CDH23: variants seen among roughly 807,000 people sequenced by gnomAD.
CDH23 encodes cadherin-23.
A neutral mutation model predicts 317.1 loss-of-function variants in CDH23; 189 were observed. The ratio of observed to expected loss-of-function variants is 0.60; its 90% CI spans 0.53 to 0.67. The LOEUF (loss-of-function observed/expected upper bound fraction) is 0.67, where lower values mean the gene tolerates loss of function less well. CDH23 is among the 30% of genes least tolerant of loss of function. The pLI, the probability that CDH23 is intolerant of heterozygous loss-of-function variation, is 0.00. For missense variants in CDH23, 4,401 were observed against 4,592.4 expected (o/e 0.96, Z 1.20); for synonymous variants, 1,839 against 1,876.8 (o/e 0.98, Z 0.52).
chr10:71,784,328 C>T lies in CDH23; in HGVS notation c.5410C>T (p.Arg1804Trp), dbSNP rs376271562. The T allele has an allele frequency of 1.4e-4, 232 of 1,613,898 alleles. 1 individual carries two copies. In the African/African-American group the frequency reaches 2.5e-3, roughly 18 times the overall value. The change falls in exon 42 of 70, where the codon CGG becomes TGG. Residue 1804 changes from arginine to tryptophan, a missense_variant. This residue lies in a region of CDH23 where 3,068 missense variants were observed against 3,203.3 expected (regional missense o/e 0.96). Transcript: ENST00000224721. Reference sequence around the variant, plus strand: ...TCCTGTGGAGGGGGTGCTAAGGGTCCGGAAGGACGTGGAGCTGGACCGGGA... The same window carrying T: ...TCCTGTGGAGGGGGTGCTAAGGGTCTGGAAGGACGTGGAGCTGGACCGGGA... Reference protein sequence around the residue: ...ISPVEGVLRVRKDVELDRETI... With the variant: ...ISPVEGVLRVWKDVELDRETI...
chr10:71,649,803 T>C (rs1863078022), intron 14 of CDH23, among the ~76,000 whole-genome samples: 1 of 152,168 alleles, frequency 6.6e-6, no homozygotes, highest in Non-Finnish European at 1.5e-5. Context: ...TTCAAACAGG[T>C]GCTGTTCAAG....
chr10:71,737,539 G>C (rs1357836418), intron 34 of CDH23, among the ~76,000 whole-genome samples: 1 of 152,198 alleles, frequency 6.6e-6, no homozygotes, highest in African/African-American at 2.4e-5. Context: ...GCATGCACAG[G>C]CTTAGCCGGC....
intron 11 of CDH23, among the ~76,000 whole-genome samples, chr10:71,618,491 C>T (rs1861305894): frequency 6.6e-6 from 1 of 152,192 alleles, no homozygotes. Flanking sequence ...TCAGCAGCTG[C>T]CATGCTAATA....
At chr10:71,532,725 TTG>T (rs1404976594) in intron 6 of CDH23, among the ~76,000 whole-genome samples, 31 of 68,890 alleles carry the variant, frequency 4.5e-4, no homozygotes, top group Admixed American at 6.4e-4. Flanking sequence ...TTTTTTTTTT[TTG>T]TTTTTTTTTT....
chr10:71,793,757 C>G, intron 48 of CDH23, 117 bp downstream of exon 48: 1 of 770,568 alleles, frequency 1.3e-6, no homozygotes, highest in South Asian at 1.9e-5. Flanking sequence ...CTACTCTCTT[C>G]TCTCCCCCTC....
chr10:71,569,773 C>T (rs544619130), intron 7 of CDH23, among the ~76,000 whole-genome samples: 6 of 152,290 alleles, frequency 3.9e-5, no homozygotes, highest in East Asian at 1.9e-4. Context: ...GTGGCTGCCA[C>T]GTCATCTGTA....
intron 1 of CDH23, among the ~76,000 whole-genome samples, chr10:71,404,484 T>A (rs1193476570): frequency 6.6e-6 from 1 of 152,272 alleles, no homozygotes; most frequent in Non-Finnish European, 1.5e-5. Flanking sequence ...GTTTGTGACC[T>A]GTACTCAAGG....
chr10:71,663,382 C>T (rs886841267), intron 14 of CDH23, among the ~76,000 whole-genome samples: 2 of 152,242 alleles, frequency 1.3e-5, no homozygotes, highest in Non-Finnish European at 2.9e-5. Context: ...AGTTGCCTGC[C>T]GGGAATGCCG....
chr10:71,681,156 C>T (rs1412147133), intron 17 of CDH23, among the ~76,000 whole-genome samples: 1 of 152,032 alleles, frequency 6.6e-6, no homozygotes, highest in Non-Finnish European at 1.5e-5. Flanking sequence ...TTAAAAGTTC[C>T]ATGCTTCTGC....
chr10:71,464,945 G>C (rs997096166), intron 3 of CDH23, among the ~76,000 whole-genome samples: 1 of 152,190 alleles, frequency 6.6e-6, no homozygotes, highest in African/African-American at 2.4e-5. Flanking sequence ...TTAGGTGCCA[G>C]GACTATGTAT....
chr10:71,562,287 C>A (rs1857172107), intron 6 of CDH23, among the ~76,000 whole-genome samples: 1 of 152,210 alleles, frequency 6.6e-6, no homozygotes, highest in East Asian at 1.9e-4. Flanking sequence ...CATCCCTTGC[C>A]CGTCCGGCCA....
rs111895955 is a variant in CDH23, at chr10:71,448,887, C to A, written c.145+2492C>A. Among the ~76,000 whole-genome samples, 401 of 152,226 alleles carry A rather than the reference C, an allele frequency of 2.6e-3. 3 individuals carry two copies. Among genetic ancestry groups the A allele is most frequent in the African/African-American group, 8.6e-3 (356 of 41,554 alleles). On this transcript the variant is annotated intron_variant, in intron 3 of 69. Transcript: ENST00000224721. ...GGGTGCAGGCCTCCCACCAGCAGGCCAGGGAGAGGGGGAGGTTGAAATGGC... is the reference window on the plus strand; with the variant it reads ...GGGTGCAGGCCTCCCACCAGCAGGCAAGGGAGAGGGGGAGGTTGAAATGGC...
At chr10:71,548,532 A>C (rs377321922) in intron 6 of CDH23, among the ~76,000 whole-genome samples, 1 of 152,208 alleles carries the variant, frequency 6.6e-6, no homozygotes, top group African/African-American at 2.4e-5. Flanking sequence ...TAGAGCCCCA[A>C]CTTGGGGAAC....
At chr10:71,538,615 ACTGT>A (rs1855831016) in intron 6 of CDH23, among the ~76,000 whole-genome samples, 1 of 152,132 alleles carries the variant, frequency 6.6e-6, no homozygotes, top group African/African-American at 2.4e-5. Context: ...GTGCATCAAG[ACTGT>A]CTGATGCTGA....
At chr10:71,796,068 A>C (rs953316029) in intron 48 of CDH23, 15 of 982,428 alleles carry the variant, frequency 1.5e-5, no homozygotes, top group African/African-American at 3.5e-5. Context: ...GAGGAGGAGG[A>C]GGCGGCCCAG....
intron 12 of CDH23, 97 bp downstream of exon 12, chr10:71,643,963 C>T: frequency 1.4e-6 from 1 of 736,764 alleles, no homozygotes; most frequent in South Asian, 1.4e-5. Context: ...TCAGCCCTCC[C>T]CCACCCTCTC....
intron 6 of CDH23, among the ~76,000 whole-genome samples, chr10:71,566,310 G>C (rs148714867): frequency 2.7e-4 from 41 of 152,064 alleles, no homozygotes; most frequent in African/African-American, 9.6e-4. Context: ...CCTGACCAGG[G>C]GCCCCGTAAA....
At chr10:71,687,866 G>C in intron 19 of CDH23, 147 bp downstream of exon 19, 2 of 759,466 alleles carry the variant, frequency 2.6e-6, no homozygotes, top group Non-Finnish European at 4.4e-6. Flanking sequence ...TTGACAAATC[G>C]GGGAGCCTTT....
chr10:71,574,218 C>T (rs1858013063), intron 8 of CDH23, among the ~76,000 whole-genome samples: 1 of 152,004 alleles, frequency 6.6e-6, no homozygotes, highest in South Asian at 2.1e-4. Context: ...ATGTATGCCT[C>T]CCCCTATCAG....
Sources: gnomAD v4.1 joint callset for allele counts (sites outside exome capture counted in the v4.1 genomes callset) on GRCh38, gnomAD v4.1.1 for gene constraint, gnomAD v4.1.1 regional missense constraint, MANE v1.5 for transcripts, NCBI Gene and HGNC (gene_info 2026-07-23, HGNC 2026-07-21) for gene names.